Variants in AVEN observed in about 807,000 individuals in gnomAD.
The protein encoded by AVEN is apoptosis and caspase activation inhibitor.
A neutral mutation model predicts 38.1 loss-of-function variants in AVEN; 41 were observed. That is an observed-to-expected ratio of 1.08 (90% CI 0.84 to 1.40). The LOEUF is 1.40. Among genes scored for constraint, AVEN ranks in the 40% most tolerant of loss-of-function variants. AVEN has a pLI of 0.00. For synonymous variants in AVEN, 206 were observed against 171.8 expected (o/e 1.20, Z -1.56); for missense variants, 605 against 438.8 (o/e 1.38, Z -3.38).
intron 2 of AVEN, among the ~76,000 whole-genome samples, chr15:33,935,470 ATATT>A (rs759026907): frequency 8.7e-5 from 9 of 103,134 alleles, no homozygotes; most frequent in Admixed American, 1.3e-4. Context: ...GCTGCTATAT[ATATT>A]TGTGTATATA....
At chr15:33,865,789 T>G (rs561388498), downstream of AVEN, 1 of 153,024 alleles carries the variant, frequency 6.5e-6, no homozygotes, top group African/African-American at 2.4e-5. Flanking sequence ...AAAACCTCTT[T>G]AGACATAGCT....
rs1398326014 is a variant in AVEN at position 33,867,562 on chromosome 15, G to A, written c.906C>T (p.Ile302=). The part of the protein sequence containing the change: ...LDAPIKEGDN[I]LPDQTSQDLK... ...GGTCCTGAGACGTCTGATCTGGTAA[G>A]ATGTTATCTCCCTCTTTTATAGGTG... Residue 302 remains isoleucine (I), a synonymous_variant, in exon 5 of 6, where the codon ATC becomes ATT. Coordinates refer to ENST00000306730, the MANE Select transcript of AVEN (RefSeq NM_020371.3). 1 of 1,614,032 alleles carries A rather than the reference G, an allele frequency of 6.2e-7. No individual in the cohort carries two copies. The highest frequency in any genetic ancestry group is 8.5e-7 in the Non-Finnish European group (1 of 1,179,958).
intron 1 of AVEN, among the ~76,000 whole-genome samples, chr15:34,017,851 T>C (rs543699933): frequency 4.3e-4 from 66 of 152,294 alleles, no homozygotes; most frequent in Non-Finnish European, 8.4e-4. Context: ...ACATACCATT[T>C]TGGTCAACAA....
chr15:33,862,521 G>T (rs761373414), downstream of AVEN, among the ~76,000 whole-genome samples: 5 of 152,154 alleles, frequency 3.3e-5, no homozygotes, highest in Non-Finnish European at 5.9e-5. Context: ...TCTTTCTTTA[G>T]GCTAGAGCAG....
intron 2 of AVEN, among the ~76,000 whole-genome samples, chr15:33,887,416 T>C (rs997681243): frequency 5.9e-5 from 9 of 152,180 alleles, no homozygotes; most frequent in Non-Finnish European, 5.9e-5. Context: ...AGGGTAATTA[T>C]GGGGTAAAAT....
At chr15:33,921,458 AGAAG>A (rs1893391871) in intron 2 of AVEN, among the ~76,000 whole-genome samples, 2 of 152,174 alleles carry the variant, frequency 1.3e-5, no homozygotes, top group Admixed American at 1.3e-4. Context: ...CATTCCTGGA[AGAAG>A]GAACTTAGGA....
At chr15:33,891,696 G>A (rs1891977475) in intron 2 of AVEN, among the ~76,000 whole-genome samples, 1 of 152,190 alleles carries the variant, frequency 6.6e-6, no homozygotes, top group Admixed American at 6.5e-5. Context: ...AAATAGGTGT[G>A]CATGTGTCTT....
intron 2 of AVEN, among the ~76,000 whole-genome samples, chr15:33,972,831 A>G (rs74778029): frequency 0.014 from 2,207 of 152,312 alleles, 52 homozygotes; most frequent in African/African-American, 0.05. Context: ...TCAGAGTATC[A>G]GTCATTTGTG....
chr15:33,939,132 C>T (rs1467422472), intron 2 of AVEN, among the ~76,000 whole-genome samples: 3 of 152,206 alleles, frequency 2.0e-5, no homozygotes, highest in African/African-American at 7.2e-5. Context: ...TGAGCCACCA[C>T]GCCCGGCCAC....
chr15:33,942,591 C>T (rs1894359589), intron 2 of AVEN, among the ~76,000 whole-genome samples: 1 of 152,076 alleles, frequency 6.6e-6, no homozygotes, highest in Admixed American at 6.6e-5. Context: ...GCTGGGACTA[C>T]AGGCACCCGC....
At chr15:33,865,544 G>C, downstream of AVEN, 1 of 270,712 alleles carries the variant, frequency 3.7e-6, no homozygotes, top group South Asian at 7.3e-5. Flanking sequence ...GAAGGAAAGG[G>C]CTAGAGAAGT....
rs1275690932 is a variant in AVEN at position 33,866,440 on chromosome 15, C to T, written c.*173G>A. 6.7e-6 allele frequency: 4 copies of T among 596,270 alleles called. No individual in the cohort carries two copies. Among genetic ancestry groups the T allele is most frequent in the Non-Finnish European group, 1.2e-5 (4 of 335,396 alleles). 36.9% of individuals were successfully genotyped at this position (596,270 alleles called of 1,614,324 possible). On this transcript the variant is annotated 3_prime_UTR_variant, in exon 6 of 6. Coordinates refer to ENST00000306730, the MANE Select transcript of AVEN (RefSeq NM_020371.3). ...GAAAAACAAATGCAACAAGCTGCTT[C>T]AATGTATTCTTTCAGATGTCAAACA...
At chr15:34,053,319 AAT>A (rs71119922) in intron 5 of AVEN, among the ~76,000 whole-genome samples, 3,009 of 41,952 alleles carry the variant, frequency 0.072, 165 homozygotes, top group South Asian at 0.22. Flanking sequence ...AAAAAAAAAA[AAT>A]ATATATATAT....
chr15:33,988,112 A>G (rs1180631489), intron 2 of AVEN, among the ~76,000 whole-genome samples: 1 of 152,252 alleles, frequency 6.6e-6, no homozygotes, highest in Non-Finnish European at 1.5e-5. Context: ...GCCTGCCTCC[A>G]GCCCAAAGGC....
chr15:33,917,967 G>T (rs940499649), intron 2 of AVEN, among the ~76,000 whole-genome samples: 2 of 151,984 alleles, frequency 1.3e-5, no homozygotes, highest in African/African-American at 4.8e-5. Flanking sequence ...AAATAGAAAA[G>T]AAAAATATAT....
chr15:33,886,646 A>T (rs942446465), intron 2 of AVEN, among the ~76,000 whole-genome samples: 1 of 152,190 alleles, frequency 6.6e-6, no homozygotes, highest in Non-Finnish European at 1.5e-5. Context: ...GTGAAGAAGA[A>T]CATGTCTACT....
Position 34,060,877 on chromosome 15 carries a change from G to A in AVEN, n.1637+2045C>T, listed in dbSNP as rs1900310717. 2.0e-5 allele frequency among the ~76,000 whole-genome samples: 3 copies of A among 151,974 alleles called. No individual in the cohort carries two copies. The South Asian group carries it at 6.2e-4, about 32-fold the overall frequency. On this transcript the variant is annotated intron_variant and non_coding_transcript_variant, in intron 5 of 11. Transcript: ENST00000675287. ...AAGGGCAAGACTCTGTTAGCCGGGC[G>A]TGGTGGCAGGCGCCTGTAGTCCCAG...
chr15:34,063,812 A>G lies in AVEN; in HGVS notation n.1127-380T>C, dbSNP rs1228044601. ...ACACCCCAAACTACCTTCTGTCTCC[A>G]GCAGCTGCTCATAGACCCAAGAGTC... On this transcript the variant is annotated intron_variant and non_coding_transcript_variant, in intron 4 of 11. Transcript: ENST00000675287. The surrounding 1 kb of genome is among the most constrained non-coding windows in gnomAD (Gnocchi z 4.1). The G allele has an allele frequency of 1.2e-6, 2 of 1,613,894 alleles. No individual in the cohort carries two copies. Among genetic ancestry groups the G allele is most frequent in the Non-Finnish European group, 1.7e-6 (2 of 1,179,832 alleles).
At chr15:33,959,294 G>A (rs1207624027) in intron 2 of AVEN, among the ~76,000 whole-genome samples, 2 of 151,364 alleles carry the variant, frequency 1.3e-5, no homozygotes, top group Admixed American at 1.3e-4. Context: ...TTTTAAATAC[G>A]AATTTCAGTC....
Sources: allele counts gnomAD v4.1 joint callset (sites outside exome capture counted in the v4.1 genomes callset), GRCh38; gene constraint gnomAD v4.1.1; non-coding constraint Gnocchi (gnomAD v3.1); transcripts MANE v1.5; gene names NCBI Gene and HGNC (gene_info 2026-07-23, HGNC 2026-07-21).